The following SIAH3 variants were observed in gnomAD, a reference collection of about 807,000 sequenced individuals.
SIAH3 encodes seven in absentia homolog 3.
A neutral mutation model predicts 12.6 loss-of-function variants in SIAH3; 9 were observed. The ratio of observed to expected loss-of-function variants is 0.72; its 90% CI spans 0.43 to 1.25. The LOEUF (loss-of-function observed/expected upper bound fraction) is 1.25, where lower values mean the gene tolerates loss of function less well. Ranked by LOEUF, SIAH3 falls within the 50% of genes most tolerant of loss-of-function variation. The pLI is 0.00. For synonymous variants in SIAH3, 154 were observed against 151.1 expected (o/e 1.02, Z -0.14); for missense variants, 390 against 365.4 (o/e 1.07, Z -0.55).
At chr13:45,837,580 G>A (rs1950722636) in intron 1 of SIAH3, among the ~76,000 whole-genome samples, 1 of 147,208 alleles carries the variant, frequency 6.8e-6, no homozygotes, top group South Asian at 2.2e-4. Context: ...AATGAAGGAA[G>A]GAAGGAAGGA....
rs1164004488 is a variant in SIAH3, at chr13:45,805,007, CACAA to C, written c.136-20954_136-20951del. Among the ~76,000 whole-genome samples the C allele has an allele frequency of 8.9e-3, 1,235 of 138,806 alleles. 8 individuals carry two copies. Among genetic ancestry groups the C allele is most frequent in the Middle Eastern group, 0.014 (4 of 276 alleles). The allele number at this position is 138,806 out of a possible 152,430, so 91.1% of individuals were successfully genotyped here. A position where few individuals can be genotyped will look rare whatever the true frequency, so the allele number is the denominator to read the frequency against. On this transcript the variant is annotated intron_variant, in intron 1 of 1. Transcript: ENST00000400405. ...ACACACACACACACACACACACACA[CACAA>C]AATACTTTGGAATACATCTAACCAA...
intron 1 of SIAH3, among the ~76,000 whole-genome samples, chr13:45,826,884 C>A (rs909473365): frequency 6.6e-6 from 1 of 152,172 alleles, no homozygotes; most frequent in Non-Finnish European, 1.5e-5. Flanking sequence ...GACACCCAGA[C>A]CAACCCTGAC....
intron 1 of SIAH3, among the ~76,000 whole-genome samples, chr13:45,800,908 T>C (rs564557356): frequency 6.6e-6 from 1 of 152,132 alleles, no homozygotes; most frequent in Non-Finnish European, 1.5e-5. Context: ...GGGCGACCTC[T>C]CCTGGCGCCA....
At chr13:45,830,282 G>A (rs1566095785) in intron 1 of SIAH3, among the ~76,000 whole-genome samples, 1 of 152,196 alleles carries the variant, frequency 6.6e-6, no homozygotes, top group South Asian at 2.1e-4. Flanking sequence ...TCTCCATAAA[G>A]AGTGAGCCTG....
At chr13:45,818,278 G>A (rs375053672) in intron 1 of SIAH3, among the ~76,000 whole-genome samples, 6 of 152,242 alleles carry the variant, frequency 3.9e-5, no homozygotes, top group South Asian at 4.2e-4. Context: ...TAAATTACTT[G>A]TGTTCATGTC....
At chr13:45,793,896 G>T (rs761546529) in intron 1 of SIAH3, among the ~76,000 whole-genome samples, 29 of 152,186 alleles carry the variant, frequency 1.9e-4, no homozygotes, top group Non-Finnish European at 3.7e-4. Context: ...TTGTCCAGCT[G>T]GGCCCTAAAT....
At chr13:45,832,612 C>T (rs917507251) in intron 1 of SIAH3, among the ~76,000 whole-genome samples, 2 of 152,186 alleles carry the variant, frequency 1.3e-5, no homozygotes, top group Non-Finnish European at 2.9e-5. Context: ...GTTGTTTCCA[C>T]CTCTTGGCTA....
At chr13:45,840,164 G>T (rs954245495) in intron 1 of SIAH3, among the ~76,000 whole-genome samples, 2 of 151,610 alleles carry the variant, frequency 1.3e-5, no homozygotes, top group African/African-American at 4.8e-5. Context: ...AGGCTGAGGT[G>T]TGAGAATCAC....
intron 1 of SIAH3, among the ~76,000 whole-genome samples, chr13:45,834,442 G>A (rs1161652585): frequency 6.6e-6 from 1 of 152,130 alleles, no homozygotes; most frequent in Non-Finnish European, 1.5e-5. Flanking sequence ...AATATCCCCT[G>A]GGCCTCAAAT....
chr13:45,814,326 G>A (rs1003749488), intron 1 of SIAH3, among the ~76,000 whole-genome samples: 3 of 151,294 alleles, frequency 2.0e-5, no homozygotes, highest in Non-Finnish European at 2.9e-5. Flanking sequence ...CCAGGGAGCC[G>A]ACAATTCAAT....
At chr13:45,786,235 ACTT>A (rs1288348786) in intron 1 of SIAH3, among the ~76,000 whole-genome samples, 3 of 152,118 alleles carry the variant, frequency 2.0e-5, no homozygotes, top group Non-Finnish European at 2.9e-5. Flanking sequence ...TAGGCAGGCA[ACTT>A]CTTCTCCTAT....
intron 1 of SIAH3, among the ~76,000 whole-genome samples, chr13:45,834,541 G>T (rs1339178677): frequency 6.6e-6 from 1 of 152,192 alleles, no homozygotes; most frequent in Middle Eastern, 3.2e-3. Context: ...GGGTTCCAGG[G>T]CAGTTCTCCC....
chr13:45,810,361 C>CT (rs1345651134), intron 1 of SIAH3, among the ~76,000 whole-genome samples: 2 of 152,202 alleles, frequency 1.3e-5, no homozygotes, highest in African/African-American at 4.8e-5. Context: ...TATCTTGACT[C>CT]TTGTGTGTGT....
chr13:45,842,500 C>T (rs1566098411), intron 1 of SIAH3, among the ~76,000 whole-genome samples: 1 of 152,022 alleles, frequency 6.6e-6, no homozygotes, highest in Non-Finnish European at 1.5e-5. Context: ...CAGGTGTGGG[C>T]CACCATGCTT....
At chr13:45,809,782 GTT>G (rs959552898) in intron 1 of SIAH3, among the ~76,000 whole-genome samples, 2 of 152,118 alleles carry the variant, frequency 1.3e-5, no homozygotes, top group African/African-American at 2.4e-5. Flanking sequence ...ATTACAGGCA[GTT>G]TTTTTCTTAG....
chr13:45,783,892 G>T lies in SIAH3; in HGVS notation c.301C>A (p.Pro101Thr). The stretch of plus-strand genomic sequence containing the variant: ...CACATGCACAGGCAGGGCGTCACCG[G>T]GTTGGCGTGCAGCCCCGCCTCCTGG... ...HHQEAGLHAN[P>T]VTPCLCMCPL... Residue 101 changes from proline (P) to threonine (T), a missense_variant, in exon 2 of 2, where the codon CCG (proline) becomes ACG (threonine). Pro to Thr is a conservative substitution (Grantham distance 38). Transcript: ENST00000400405. 1 of 1,612,524 alleles carries T rather than the reference G, an allele frequency of 6.2e-7. No homozygotes were observed.
intron 1 of SIAH3, among the ~76,000 whole-genome samples, chr13:45,825,014 A>G (rs1950669058): frequency 6.6e-6 from 1 of 151,978 alleles, no homozygotes. Flanking sequence ...CTAAAGCGGT[A>G]TGCAAACGTA....
At chr13:45,827,577 A>G (rs1950683322) in intron 1 of SIAH3, among the ~76,000 whole-genome samples, 1 of 152,212 alleles carries the variant, frequency 6.6e-6, no homozygotes, top group South Asian at 2.1e-4. Context: ...GGAAAGTTCC[A>G]AACAGCAGCA....
At chr13:45,814,055 G>A (rs932015508) in intron 1 of SIAH3, among the ~76,000 whole-genome samples, 1 of 151,902 alleles carries the variant, frequency 6.6e-6, no homozygotes, top group African/African-American at 2.4e-5. Context: ...TGGCTAACAC[G>A]GTGAAACCCC....
Sources: allele counts gnomAD v4.1 joint callset (sites outside exome capture counted in the v4.1 genomes callset), GRCh38; gene constraint gnomAD v4.1.1; transcripts MANE v1.5; gene names NCBI Gene and HGNC (gene_info 2026-07-23, HGNC 2026-07-21).